Variants in KIF15 observed in about 807,000 individuals in gnomAD.
The protein encoded by KIF15 is kinesin-like protein KIF15.
In KIF15, 140 loss-of-function variants were observed where a neutral mutation model predicts 190.6. That is an observed-to-expected ratio of 0.73 (90% CI 0.64 to 0.84). KIF15 has a LOEUF of 0.84. Among genes scored for constraint, KIF15 ranks in the 40% least tolerant of loss-of-function variants. The pLI is 0.00. For missense variants in KIF15, 1,372 were observed against 1,584.4 expected (o/e 0.87, Z 2.28); for synonymous variants, 528 against 551.3 (o/e 0.96, Z 0.59).
At chr3:44,850,045 C>A (rs186115989) in intron 32 of KIF15, among the ~76,000 whole-genome samples, 171 of 152,280 alleles carry the variant, frequency 1.1e-3, no homozygotes, top group African/African-American at 3.8e-3. Flanking sequence ...GCTGAGAAAT[C>A]TTGTTCACAT....
At chr3:44,785,370 A>C (rs768637352) in intron 6 of KIF15, among the ~76,000 whole-genome samples, 4 of 152,182 alleles carry the variant, frequency 2.6e-5, no homozygotes, top group Non-Finnish European at 5.9e-5. Flanking sequence ...GCAGTGATGG[A>C]CTCATCCTCA....
chr3:44,763,600 C>G (rs1055421836), intron 1 of KIF15, among the ~76,000 whole-genome samples: 1 of 151,428 alleles, frequency 6.6e-6, no homozygotes, highest in African/African-American at 2.4e-5. Context: ...ACACCCGGCC[C>G]CATGAAGGCT....
intron 19 of KIF15, among the ~76,000 whole-genome samples, chr3:44,814,234 G>A (rs1225574025): frequency 7.2e-5 from 11 of 152,234 alleles, no homozygotes; most frequent in African/African-American, 2.6e-4. Flanking sequence ...ATTTCCAAGG[G>A]ATTTTCAATA....
chr3:44,860,694 C>T (rs1699232032), intron 6 of KIF15, among the ~76,000 whole-genome samples: 1 of 151,974 alleles, frequency 6.6e-6, no homozygotes, highest in Non-Finnish European at 1.5e-5. Context: ...TTATTTGAGC[C>T]ACAAAACCAC....
chr3:44,845,321 T>A (rs1276478969), intron 30 of KIF15, among the ~76,000 whole-genome samples: 1 of 152,048 alleles, frequency 6.6e-6, no homozygotes, highest in Non-Finnish European at 1.5e-5. Context: ...TCACTGGTAA[T>A]GGTAGCTTTG....
chr3:44,834,538 G>A (rs191248892), intron 26 of KIF15, among the ~76,000 whole-genome samples: 4 of 152,262 alleles, frequency 2.6e-5, no homozygotes, highest in Non-Finnish European at 5.9e-5. Flanking sequence ...AACCAAAAGT[G>A]TTAAAACGTT....
At chr3:44,767,424 C>T (rs1345275245) in intron 1 of KIF15, among the ~76,000 whole-genome samples, 7 of 152,138 alleles carry the variant, frequency 4.6e-5, no homozygotes, top group Non-Finnish European at 7.3e-5. Flanking sequence ...AGAACAGGGT[C>T]AGGGATGACT....
At chr3:44,761,935 C>T (rs1705163150) in intron 1 of KIF15, 51 bp downstream of exon 1, 1 of 1,612,878 alleles carries the variant, frequency 6.2e-7, no homozygotes, top group African/African-American at 1.3e-5. Context: ...CCAAATACAG[C>T]TGTGAAAGGA....
At chr3:44,862,181 G>C (rs1699263402) in intron 6 of KIF15, 1 of 1,072,908 alleles carries the variant, frequency 9.3e-7, no homozygotes, top group Non-Finnish European at 1.1e-6. Flanking sequence ...GCTGGGCGGA[G>C]GAGGGGCGCT....
At chr3:44,804,413 G>A (rs576218179) in intron 14 of KIF15, among the ~76,000 whole-genome samples, 14 of 152,184 alleles carry the variant, frequency 9.2e-5, no homozygotes, top group Middle Eastern at 3.4e-3. Flanking sequence ...AGATGATACC[G>A]GGTTCTTACA....
At chr3:44,772,787 A>T (rs1229665567) in intron 1 of KIF15, among the ~76,000 whole-genome samples, 1 of 152,226 alleles carries the variant, frequency 6.6e-6, no homozygotes, top group African/African-American at 2.4e-5. Context: ...TCATTCCTTA[A>T]GCCAGGATTG....
At chr3:44,830,702 C>T (rs1349946215) in intron 25 of KIF15, among the ~76,000 whole-genome samples, 194 bp from the exon 26 acceptor site, 1 of 152,148 alleles carries the variant, frequency 6.6e-6, no homozygotes, top group Non-Finnish European at 1.5e-5. Flanking sequence ...GTTTTTTTCA[C>T]TGATACTTAG....
chr3:44,784,557 T>C (rs971081506), intron 5 of KIF15, among the ~76,000 whole-genome samples: 1 of 152,212 alleles, frequency 6.6e-6, no homozygotes, highest in African/African-American at 2.4e-5. Context: ...AAGAGGGATT[T>C]AGTAATTAGC....
intron 1 of KIF15, among the ~76,000 whole-genome samples, chr3:44,771,852 A>G (rs1356479028): frequency 2.0e-5 from 3 of 152,280 alleles, no homozygotes; most frequent in East Asian, 3.9e-4. Context: ...AATTTTTACA[A>G]TCCTTCCACT....
At chr3:44,771,628 C>T (rs1705643530) in intron 1 of KIF15, among the ~76,000 whole-genome samples, 2 of 152,046 alleles carry the variant, frequency 1.3e-5, no homozygotes, top group Non-Finnish European at 2.9e-5. Flanking sequence ...TTCCAGATTA[C>T]CGTAAGTTAT....
intron 33 of KIF15, 117 bp downstream of exon 33, chr3:44,852,069 G>T: frequency 2.1e-6 from 3 of 1,427,448 alleles, no homozygotes; most frequent in Admixed American, 2.2e-5. Context: ...TTTATTGTAT[G>T]AAGAGTTGTG....
At chr3:44,825,464 G>GTTCTTGGCTGAGCTCTGGA (rs1237235610) in intron 20 of KIF15, among the ~76,000 whole-genome samples, 1 of 152,216 alleles carries the variant, frequency 6.6e-6, no homozygotes, top group Non-Finnish European at 1.5e-5. Context: ...TTGTGTGGTA[G>GTTCTTGGCTGAGCTCTGGA]TTCTTGGCTG....
chr3:44,783,630 C>T (rs1455275077), intron 5 of KIF15, among the ~76,000 whole-genome samples: 1 of 152,106 alleles, frequency 6.6e-6, no homozygotes, highest in African/African-American at 2.4e-5. Context: ...GTAAAATTAT[C>T]TACATGTTCT....
Position 44,831,062 on chromosome 3 carries a change from T to A in KIF15, c.3171+44T>A, listed in dbSNP as rs1247615783. 4 of 1,586,246 alleles carry A rather than the reference T, an allele frequency of 2.5e-6. No homozygotes were observed. The Admixed American group carries it at 7.1e-5, about 28-fold the overall frequency. On this transcript the variant is annotated intron_variant, in intron 26 of 34. Coordinates refer to ENST00000326047, the MANE Select transcript of KIF15 (RefSeq NM_020242.3). ...CAGCTTCTTTGTTTGCCTTATTACT[T>A]GTCAATATGTGTATTTGTGTGTGGA...
Sources: allele counts gnomAD v4.1 joint callset (sites outside exome capture counted in the v4.1 genomes callset), GRCh38; gene constraint gnomAD v4.1.1; transcripts MANE v1.5; gene names NCBI Gene and HGNC (gene_info 2026-07-23, HGNC 2026-07-21).